SCD5: variants seen among roughly 807,000 people sequenced by gnomAD.
The protein encoded by SCD5 is acyl-CoA-desaturase 4.
SCD5 carries 20 observed loss-of-function variants against 30.4 expected under a neutral mutation model. The observed-to-expected ratio is 0.66, with a 90% confidence interval of 0.46 to 0.96. The LOEUF is 0.96. Among genes scored for constraint, SCD5 ranks in the 40% least tolerant of loss-of-function variants. SCD5 has a pLI of 0.00. For missense variants in SCD5, 381 were observed against 443.3 expected (o/e 0.86, Z 1.26); for synonymous variants, 173 against 176.4 (o/e 0.98, Z 0.16).
rs34219216 is a variant in SCD5 at position 82,764,730 on chromosome 4, C to CTTTT, written c.232+33572_232+33575dup. Among the ~76,000 whole-genome samples, 816 of 143,210 alleles carry CTTTT rather than the reference C, an allele frequency of 5.7e-3. 10 individuals carry two copies. Among genetic ancestry groups the CTTTT allele is most frequent in the Middle Eastern group, 0.033 (9 of 276 alleles). The allele number at this position is 143,210 out of a possible 152,430, so 94.0% of individuals were successfully genotyped here. On this transcript the variant is annotated intron_variant, in intron 1 of 4. Coordinates refer to ENST00000319540, the MANE Select transcript of SCD5 (RefSeq NM_001037582.3). Reference sequence around the variant, plus strand: ...ATCTTTTAAATATTTTCTTTTCTTTCTTTTTTTTTTTTTGAGATGGAGTTT... The same window carrying CTTTT: ...ATCTTTTAAATATTTTCTTTTCTTTCTTTTTTTTTTTTTTTTTGAGATGGAGTTT...
intron 1 of SCD5, among the ~76,000 whole-genome samples, chr4:82,753,884 G>A (rs760423306): frequency 6.6e-6 from 1 of 152,078 alleles, no homozygotes; most frequent in Non-Finnish European, 1.5e-5. Context: ...TGTCACATCC[G>A]AGGCTGAGCC....
chr4:82,754,363 C>T (rs1413314852), intron 1 of SCD5, among the ~76,000 whole-genome samples: 1 of 152,178 alleles, frequency 6.6e-6, no homozygotes, highest in African/African-American at 2.4e-5. Flanking sequence ...TGAGAAAGCT[C>T]AAATGCAAGG....
intron 1 of SCD5, among the ~76,000 whole-genome samples, chr4:82,797,755 G>T (rs1427168379): frequency 6.6e-6 from 1 of 152,068 alleles, no homozygotes; most frequent in African/African-American, 2.4e-5. Context: ...AGGGGAACCG[G>T]TATCTTCCAT....
intron 1 of SCD5, among the ~76,000 whole-genome samples, chr4:82,764,976 C>T (rs936528612): frequency 1.3e-5 from 2 of 152,208 alleles, no homozygotes; most frequent in African/African-American, 4.8e-5. Context: ...ATCCACCCAC[C>T]TTGGCCTCCC....
intron 3 of SCD5, among the ~76,000 whole-genome samples, chr4:82,643,388 C>T (rs188515005): frequency 5.6e-4 from 85 of 152,182 alleles, no homozygotes; most frequent in African/African-American, 1.7e-3. Context: ...TGCTAGTCAG[C>T]CATGAAGAGG....
At position 82,798,357 on chromosome 4, in the gene SCD5, C is replaced by T. The variant is rs866533191; in HGVS notation, c.181G>A (p.Val61Met). 6.2e-7 allele frequency: 1 copy of T among 1,613,168 alleles called. No homozygotes were observed. Among genetic ancestry groups the T allele is most frequent in the Non-Finnish European group, 8.5e-7 (1 of 1,179,528 alleles). Residue 61 changes from valine to methionine, a missense_variant, in exon 1 of 5, where the codon GTG becomes ATG. Physicochemically the swap from Val to Met is conservative, Grantham distance 21 (BLOSUM62 1). Coordinates refer to ENST00000319540, the MANE Select transcript of SCD5 (RefSeq NM_001037582.3). ...TTGGGGATGAGCACCAGGGAGTACA[C>T]GGCCCCCAAGTGGAGCAAGCTCATC... ...VLMSLLHLGA[V>M]YSLVLIPKAK...
chr4:82,782,032 G>A (rs2148851581), intron 1 of SCD5, among the ~76,000 whole-genome samples: 1 of 151,724 alleles, frequency 6.6e-6, no homozygotes, highest in Admixed American at 6.6e-5. Flanking sequence ...TCTAGAGCCT[G>A]GCTGTCTTTC....
chr4:82,773,609 G>A (rs1208111978), intron 1 of SCD5, among the ~76,000 whole-genome samples: 2 of 152,144 alleles, frequency 1.3e-5, no homozygotes, highest in Non-Finnish European at 2.9e-5. Flanking sequence ...ACATGTCTAA[G>A]CAAAGTTTCT....
intron 1 of SCD5, among the ~76,000 whole-genome samples, chr4:82,712,271 TA>T (rs1720115413): frequency 2.0e-5 from 1 of 49,864 alleles, no homozygotes; most frequent in Non-Finnish European, 3.3e-5. Flanking sequence ...TATATATATA[TA>T]TATATATATA....
At chr4:82,718,545 C>G (rs1372097639) in intron 1 of SCD5, among the ~76,000 whole-genome samples, 1 of 151,780 alleles carries the variant, frequency 6.6e-6, no homozygotes, top group Non-Finnish European at 1.5e-5. Context: ...GCGAGGTGTA[C>G]TTGCTGCTCC....
At chr4:82,785,749 C>G (rs559329969) in intron 1 of SCD5, among the ~76,000 whole-genome samples, 1 of 152,178 alleles carries the variant, frequency 6.6e-6, no homozygotes, top group Non-Finnish European at 1.5e-5. Flanking sequence ...ATGACTCACC[C>G]ACTCTTCAAT....
chr4:82,783,426 T>G (rs1721921641), intron 1 of SCD5, among the ~76,000 whole-genome samples: 1 of 152,204 alleles, frequency 6.6e-6, no homozygotes, highest in Non-Finnish European at 1.5e-5. Flanking sequence ...CAAAGATGCC[T>G]GATGACATTA....
intron 3 of SCD5, among the ~76,000 whole-genome samples, chr4:82,677,949 C>G (rs1290419227): frequency 6.6e-6 from 1 of 151,890 alleles, no homozygotes; most frequent in East Asian, 1.9e-4. Context: ...AAGGGCCCAG[C>G]CAGGAGCATG....
At chr4:82,794,810 C>T (rs192556085) in intron 1 of SCD5, among the ~76,000 whole-genome samples, 2 of 152,176 alleles carry the variant, frequency 1.3e-5, no homozygotes, top group Admixed American at 6.5e-5. Context: ...CCACCACGCC[C>T]GGCTAATTTT....
At chr4:82,705,549 C>T in intron 1 of SCD5, 136 bp from the exon 2 acceptor site, 1 of 1,220,606 alleles carries the variant, frequency 8.2e-7, no homozygotes, top group South Asian at 1.5e-5. Context: ...GAATCAATAA[C>T]TTGAGAGGAG....
At chr4:82,709,734 G>A (rs1720042043) in intron 1 of SCD5, among the ~76,000 whole-genome samples, 1 of 152,222 alleles carries the variant, frequency 6.6e-6, no homozygotes, top group Non-Finnish European at 1.5e-5. Flanking sequence ...ATTGAGAGCA[G>A]TGATAGGACT....
chr4:82,677,719 G>A (rs1166369057), intron 3 of SCD5, among the ~76,000 whole-genome samples: 1 of 152,192 alleles, frequency 6.6e-6, no homozygotes, highest in Non-Finnish European at 1.5e-5. Flanking sequence ...GAAGACAGCT[G>A]TAGCCTCTTT....
chr4:82,732,601 T>C (rs150348865), intron 1 of SCD5, among the ~76,000 whole-genome samples: 1 of 152,310 alleles, frequency 6.6e-6, no homozygotes, highest in African/African-American at 2.4e-5. Context: ...TGCCTTGAGT[T>C]GCTGGGGACA....
intron 2 of SCD5, among the ~76,000 whole-genome samples, chr4:82,703,604 A>G (rs543117081): frequency 7.2e-5 from 11 of 152,306 alleles, no homozygotes; most frequent in Admixed American, 1.3e-4. Context: ...ATTTAAAATC[A>G]CAGTCTAATA....
Sources: gnomAD v4.1 joint callset for allele counts (sites outside exome capture counted in the v4.1 genomes callset) on GRCh38, gnomAD v4.1.1 for gene constraint, MANE v1.5 for transcripts, NCBI Gene and HGNC (gene_info 2026-07-23, HGNC 2026-07-21) for gene names.